KCNMB2: variants seen among roughly 807,000 people sequenced by gnomAD.
KCNMB2 encodes the protein potassium calcium-activated channel subfamily M regulatory beta subunit 2.
In KCNMB2, 9 loss-of-function variants were observed where a neutral mutation model predicts 24.5. The ratio of observed to expected loss-of-function variants is 0.37; its 90% CI spans 0.22 to 0.64. The LOEUF (loss-of-function observed/expected upper bound fraction) is 0.64. Among genes scored for constraint, KCNMB2 ranks in the 30% least tolerant of loss-of-function variants. The pLI, the probability that KCNMB2 is intolerant of heterozygous loss-of-function variation, is 0.63. For synonymous variants in KCNMB2, 109 were observed against 104.4 expected, an observed-to-expected ratio of 1.04 and a Z score of -0.27; for missense variants, 226 against 284.3, an observed-to-expected ratio of 0.79 and a Z score of 1.47.
intron 1 of KCNMB2, 135 bp from the exon 2 acceptor site, chr3:178,807,208 A>C (rs2108452079): frequency 4.3e-6 from 2 of 467,370 alleles, no homozygotes; most frequent in East Asian, 6.7e-5. Context: ...TTTTCTTAAA[A>C]ATTCCCAGTC....
chr3:178,759,434 GAT>G (rs201627319), intron 1 of KCNMB2, among the ~76,000 whole-genome samples: 6,155 of 17,480 alleles, frequency 0.35, 1,990 homozygotes, highest in East Asian at 0.64. Flanking sequence ...TCTCCAAGAG[GAT>G]ATATATATAT....
chr3:178,773,926 A>C (rs1036619033), intron 1 of KCNMB2, among the ~76,000 whole-genome samples: 1 of 152,246 alleles, frequency 6.6e-6, no homozygotes, highest in Non-Finnish European at 1.5e-5. Flanking sequence ...AAAATGTGAC[A>C]CACTGGGTAA....
chr3:178,623,311 A>G (rs1718987247), intron 1 of KCNMB2, among the ~76,000 whole-genome samples: 1 of 152,232 alleles, frequency 6.6e-6, no homozygotes, highest in Admixed American at 6.5e-5. Flanking sequence ...TGTTTGATTA[A>G]CAAAATTAGC....
intron 1 of KCNMB2, among the ~76,000 whole-genome samples, chr3:178,620,915 G>A (rs1718899546): frequency 6.6e-6 from 1 of 152,176 alleles, no homozygotes; most frequent in South Asian, 2.1e-4. Flanking sequence ...GTATGTAAAG[G>A]AAGTTTTGAG....
chr3:178,567,673 A>C (rs1716576186), intron 1 of KCNMB2, among the ~76,000 whole-genome samples: 1 of 152,106 alleles, frequency 6.6e-6, no homozygotes, highest in African/African-American at 2.4e-5. Flanking sequence ...AGCATGCGCC[A>C]GGACATTTGC....
intron 1 of KCNMB2, among the ~76,000 whole-genome samples, chr3:178,735,375 C>T (rs1314033592): frequency 3.9e-5 from 6 of 152,202 alleles, no homozygotes; most frequent in Non-Finnish European, 7.3e-5. Context: ...ACAACAAAAA[C>T]CCAAAGCCTG....
intron 1 of KCNMB2, among the ~76,000 whole-genome samples, chr3:178,769,142 A>G (rs1712242487): frequency 6.6e-6 from 1 of 152,202 alleles, no homozygotes. Flanking sequence ...TGACTTGATC[A>G]ATTTAGCTTT....
rs181061131 is a variant in KCNMB2 at position 178,744,674 on chromosome 3, C to T, written c.-67-62669C>T. 4.6e-4 allele frequency among the ~76,000 whole-genome samples: 69 copies of T among 151,450 alleles called. 1 individual carries two copies. Among genetic ancestry groups the T allele is most frequent in the Non-Finnish European group, 8.2e-4 (56 of 67,908 alleles). On this transcript the variant is annotated intron_variant, in intron 1 of 4. Coordinates refer to ENST00000452583, the MANE Select transcript of KCNMB2 (RefSeq NM_181361.3). ...GGCTCACTGGAGCCTTCTCCTGAAA[C>T]GGGAAACTTCCTGCAAGGACACATA...
intron 1 of KCNMB2, among the ~76,000 whole-genome samples, chr3:178,573,583 T>TAA (rs71647211): frequency 0.26 from 32,342 of 124,384 alleles, 4,297 homozygotes; most frequent in East Asian, 0.43. Context: ...CTACAAAACA[T>TAA]AAAAAAAAAA....
intron 1 of KCNMB2, among the ~76,000 whole-genome samples, chr3:178,555,900 T>C (rs1477527864): frequency 1.3e-5 from 2 of 152,184 alleles, no homozygotes; most frequent in African/African-American, 4.8e-5. Context: ...GATCAGGAGT[T>C]GGGGATGCCA....
chr3:178,571,447 G>GAGATATATATATAT (rs1491315279), intron 1 of KCNMB2, among the ~76,000 whole-genome samples: 2 of 91,102 alleles, frequency 2.2e-5, no homozygotes, highest in African/African-American at 6.6e-5. Context: ...TTTCCTTATG[G>GAGATATATATATAT]ATATATATAT....
At chr3:178,793,693 C>T (rs1457465752) in intron 1 of KCNMB2, among the ~76,000 whole-genome samples, 3 of 152,198 alleles carry the variant, frequency 2.0e-5, no homozygotes, top group Middle Eastern at 3.4e-3. Flanking sequence ...TAAGAAGGAG[C>T]CTGTCATCCA....
chr3:178,710,922 T>A (rs539323334), intron 1 of KCNMB2, among the ~76,000 whole-genome samples: 19 of 152,276 alleles, frequency 1.2e-4, no homozygotes, highest in African/African-American at 3.8e-4. Context: ...ATTTGCTGAG[T>A]GCCTACTATA....
chr3:178,603,105 T>C (rs960338284), intron 1 of KCNMB2, among the ~76,000 whole-genome samples: 5 of 152,018 alleles, frequency 3.3e-5, no homozygotes, highest in African/African-American at 9.7e-5. Flanking sequence ...ATGAGGTCTT[T>C]GAAGTGTGTA....
intron 1 of KCNMB2, among the ~76,000 whole-genome samples, chr3:178,542,031 T>C (rs115153054): frequency 0.014 from 2,101 of 152,150 alleles, 56 homozygotes; most frequent in African/African-American, 0.048. Flanking sequence ...CCCCACCCAA[T>C]AGGGGAACAA....
At chr3:178,622,422 A>G (rs915203848) in intron 1 of KCNMB2, among the ~76,000 whole-genome samples, 5 of 152,226 alleles carry the variant, frequency 3.3e-5, no homozygotes, top group African/African-American at 1.2e-4. Flanking sequence ...ACAAAGTCAA[A>G]GAAGGGAAGG....
At chr3:178,827,364 C>A (rs1401129092) in intron 3 of KCNMB2, among the ~76,000 whole-genome samples, 1 of 152,074 alleles carries the variant, frequency 6.6e-6, no homozygotes, top group Non-Finnish European at 1.5e-5. Flanking sequence ...TGTGGGGAGA[C>A]AGCAAAACAC....
intron 1 of KCNMB2, among the ~76,000 whole-genome samples, chr3:178,614,861 T>G (rs565489497): frequency 5.8e-4 from 89 of 152,312 alleles, no homozygotes; most frequent in Non-Finnish European, 9.0e-4. Context: ...GCATAAAGTG[T>G]TAGGTATTTA....
At chr3:178,545,765 A>ATTGT (rs61624704) in intron 1 of KCNMB2, among the ~76,000 whole-genome samples, 1 of 151,866 alleles carries the variant, frequency 6.6e-6, no homozygotes, top group African/African-American at 2.4e-5. Flanking sequence ...TTGTCTCTGG[A>ATTGT]TTGTTTGTTT....
Sources: gnomAD v4.1 joint callset for allele counts (sites outside exome capture counted in the v4.1 genomes callset) on GRCh38, gnomAD v4.1.1 for gene constraint, MANE v1.5 for transcripts, NCBI Gene and HGNC (gene_info 2026-07-23, HGNC 2026-07-21) for gene names.